The following GSN variants were observed in gnomAD, a reference collection of about 807,000 sequenced individuals.
GSN encodes the protein gelsolin.
A neutral mutation model predicts 85.7 loss-of-function variants in GSN; 56 were observed. That is an observed-to-expected ratio of 0.65 (90% confidence interval 0.53 to 0.82). GSN has a LOEUF of 0.82. GSN is among the 40% of genes least tolerant of loss of function. GSN has a pLI of 0.00. For missense variants in GSN, 857 were observed against 979.8 expected, an observed-to-expected ratio of 0.87 and a Z score of 1.67; for synonymous variants, 373 against 399.1, an observed-to-expected ratio of 0.93 and a Z score of 0.78.
chr9:121,286,134 C>T (rs1003652873), intron 2 of GSN: 3 of 1,535,594 alleles, frequency 2.0e-6, no homozygotes, highest in Non-Finnish European at 2.6e-6. Flanking sequence ...TAGCTCCCCC[C>T]AGCCTCGCGA....
At chr9:121,220,503 A>G (rs1564338118) in intron 4 of GSN, among the ~76,000 whole-genome samples, 1 of 152,214 alleles carries the variant, frequency 6.6e-6, no homozygotes, top group Non-Finnish European at 1.5e-5. Context: ...AGAGGCTCAG[A>G]CAGGTTGAGG....
rs1167536004 is a variant in GSN at position 121,314,012 on chromosome 9, A to G, written c.742A>G (p.Lys248Glu). 1 of 1,613,404 alleles carries G rather than the reference A, an allele frequency of 6.2e-7. No homozygotes were observed. Among genetic ancestry groups the G allele is most frequent in the African/African-American group, 1.3e-5 (1 of 75,048 alleles). Residue 248 changes from lysine to glutamate, a missense_variant, in exon 7 of 18, where the codon AAG (lysine) becomes GAG (glutamate). Lys to Glu is a moderately conservative substitution (Grantham distance 56). Transcript: ENST00000432226. ...KEDAANRKLA[K>E]LYKVSNGAGT... ...GGATGCGGCCAACCGCAAGCTGGCC[A>G]AGCTCTACAAGGTGAGCACCAGATG...
At chr9:121,224,655 A>G (rs1484774448) in intron 4 of GSN, among the ~76,000 whole-genome samples, 2 of 151,470 alleles carry the variant, frequency 1.3e-5, no homozygotes, top group Non-Finnish European at 2.9e-5. Context: ...TAGTCTGAAT[A>G]CCAGTGGGAA....
rs189726980 is a variant in GSN at position 121,323,991 on chromosome 9, A to G, written c.1326-563A>G. On this transcript the variant is annotated intron_variant, in intron 11 of 17. Transcript: ENST00000432226. The stretch of plus-strand genomic sequence containing the variant: ...AGATTTTGTTTGCTTATACGACGAC[A>G]TATGTTGGTTATGGAAAACTTAGAC... Among the ~76,000 whole-genome samples the G allele has an allele frequency of 3.3e-4, 51 of 152,326 alleles. No homozygotes were observed. In the East Asian group the frequency reaches 9.1e-3, roughly 27 times the overall value.
chr9:121,260,279 G>A (rs1210513000), intron 6 of GSN, among the ~76,000 whole-genome samples: 1 of 152,228 alleles, frequency 6.6e-6, no homozygotes, highest in African/African-American at 2.4e-5. Context: ...CTCAGAATTT[G>A]GGGAGCATTC....
intron 5 of GSN, among the ~76,000 whole-genome samples, chr9:121,241,235 C>A (rs1305347133): frequency 6.6e-6 from 1 of 152,146 alleles, no homozygotes; most frequent in Non-Finnish European, 1.5e-5. Flanking sequence ...GCGTAAAAGA[C>A]AAAGGGTAGA....
chr9:121,329,311 A>G lies in GSN; in HGVS notation c.1961A>G (p.Asp654Gly). 1.3e-6 allele frequency: 2 copies of G among 1,587,138 alleles called. No individual in the cohort carries two copies. The highest frequency in any genetic ancestry group is 1.1e-5 in the South Asian group (1 of 90,580). Reference protein sequence around the residue: ...TDDVMLLDTWDQVFVWVGKDS... With the variant: ...TDDVMLLDTWGQVFVWVGKDS... ...GACGTCATGCTTCTGGACACCTGGGACCAGGTGGGTGAAGGACAGGTGAAG... is the reference window on the plus strand; with the variant it reads ...GACGTCATGCTTCTGGACACCTGGGGCCAGGTGGGTGAAGGACAGGTGAAG... Residue 654 changes from aspartate (D) to glycine (G), a missense_variant, in exon 16 of 18, where the codon GAC (aspartate) becomes GGC (glycine). By Grantham distance (94) the Asp-to-Gly change is moderately conservative (BLOSUM62 -1). Coordinates refer to ENST00000432226, the MANE Select transcript of GSN (RefSeq NM_198252.3). This position sits in a 1 kb window ranked among gnomAD's most constrained non-coding sequence, Gnocchi z 4.6.
At chr9:121,317,668 C>G (rs1589122405) in intron 8 of GSN, 1 of 275,970 alleles carries the variant, frequency 3.6e-6, no homozygotes, top group East Asian at 9.5e-5. Flanking sequence ...AGTTCATAAA[C>G]TCTTTCGGTA....
At chr9:121,324,678 C>G in intron 12 of GSN, 34 bp downstream of exon 12, 2 of 1,055,760 alleles carry the variant, frequency 1.9e-6, no homozygotes, top group Non-Finnish European at 2.9e-6. Flanking sequence ...TGGGCTGCAG[C>G]CTGAGCCTTG....
intron 6 of GSN, among the ~76,000 whole-genome samples, chr9:121,255,974 T>G (rs1692738372): frequency 6.6e-6 from 1 of 152,076 alleles, no homozygotes; most frequent in Admixed American, 6.6e-5. Flanking sequence ...TCCAGAAAAA[T>G]CCTTCTGGGG....
chr9:121,223,289 C>G (rs1159460403), intron 4 of GSN, among the ~76,000 whole-genome samples: 1 of 152,112 alleles, frequency 6.6e-6, no homozygotes, highest in East Asian at 1.9e-4. Context: ...ACCTGATGAT[C>G]ACCTAACATT....
Position 121,332,561 on chromosome 9 carries a change from T to C in GSN, c.2154T>C (p.Ser718=). ...WFLGWDDDYW[S]VDPLDRAMAE... Reference sequence around the variant, plus strand: ...TTGGCTGGGATGATGATTACTGGTCTGTGGACCCCTTGGACAGGGCCATGG... The same window carrying C: ...TTGGCTGGGATGATGATTACTGGTCCGTGGACCCCTTGGACAGGGCCATGG... Residue 718 remains serine, a synonymous_variant, in exon 18 of 18, where the codon TCT becomes TCC. Coordinates refer to ENST00000432226, the MANE Select transcript of GSN (RefSeq NM_198252.3). The surrounding 1 kb of genome is among the most constrained non-coding windows in gnomAD (Gnocchi z 4.8). 1 of 1,614,132 alleles carries C rather than the reference T, an allele frequency of 6.2e-7. No individual in the cohort carries two copies. The highest frequency in any genetic ancestry group is 8.5e-7 in the Non-Finnish European group (1 of 1,180,012).
At position 121,312,405 on chromosome 9, in the gene GSN, A is replaced by G. The variant is rs2133479481; in HGVS notation, c.580A>G (p.Lys194Glu). ...YERLKATQVS[K>E]GIRDNERSGR... The stretch of plus-strand genomic sequence containing the variant: ...AAGACTGAAGGCCACACAGGTGTCC[A>G]AGGGCATCCGGGACAACGAGCGGAG... The change falls in exon 6 of 18, where the codon AAG becomes GAG. Residue 194 changes from lysine (K) to glutamate (E), a missense_variant. Coordinates refer to ENST00000432226, the MANE Select transcript of GSN (RefSeq NM_198252.3). The G allele has an allele frequency of 2.5e-6, 4 of 1,614,034 alleles. No homozygotes were observed. Among genetic ancestry groups the G allele is most frequent in the Non-Finnish European group, 3.4e-6 (4 of 1,179,860 alleles).
Position 121,299,582 on chromosome 9 carries a change from C to T in GSN, c.-9-2381C>T, listed in dbSNP as rs528936315. On this transcript the variant is annotated intron_variant, in intron 2 of 17. Transcript: ENST00000432226. This position sits in a 1 kb window ranked among gnomAD's most constrained non-coding sequence, Gnocchi z 4.2. ...CAGGAGGCTCAGCTGGGCTCGCCGCCGCTCGTGCCTGCGCCCATTTAGTGT... is the reference window on the plus strand; with the variant it reads ...CAGGAGGCTCAGCTGGGCTCGCCGCTGCTCGTGCCTGCGCCCATTTAGTGT... 2 of 613,276 alleles carry T rather than the reference C, an allele frequency of 3.3e-6. No individual in the cohort carries two copies. The highest frequency in any genetic ancestry group is 1.4e-4 in the East Asian group (1 of 7,152). 38.0% of individuals were successfully genotyped at this position (613,276 alleles called of 1,614,324 possible).
intron 16 of GSN, 55 bp from the exon 17 acceptor site, chr9:121,331,333 C>A: frequency 1.8e-6 from 2 of 1,135,130 alleles, no homozygotes; most frequent in African/African-American, 1.5e-5. Flanking sequence ...CTTCCTCCAG[C>A]CGTGAATTTG....
chr9:121,291,726 G>A (rs1438937594), intron 2 of GSN, among the ~76,000 whole-genome samples: 2 of 151,914 alleles, frequency 1.3e-5, no homozygotes, highest in African/African-American at 4.8e-5. Flanking sequence ...GGCCCCCATT[G>A]GACTTTTTCT....
intron 5 of GSN, among the ~76,000 whole-genome samples, chr9:121,240,908 CAT>C (rs1467849656): frequency 3.3e-5 from 5 of 152,132 alleles, no homozygotes; most frequent in Non-Finnish European, 5.9e-5. Flanking sequence ...AATGCAGTGT[CAT>C]GTGTTAAAAA....
chr9:121,312,080 C>T (rs1337513011), intron 5 of GSN: 8 of 423,154 alleles, frequency 1.9e-5, no homozygotes, highest in Non-Finnish European at 3.4e-5. Flanking sequence ...AGCAGGCAAA[C>T]ATTTTTGCAC....
intron 5 of GSN, among the ~76,000 whole-genome samples, chr9:121,231,746 G>A (rs184817447): frequency 9.1e-4 from 138 of 152,180 alleles, no homozygotes; most frequent in African/African-American, 3.2e-3. Flanking sequence ...ATGAAAAAGA[G>A]AGAGAGAAGG....
Sources: gnomAD v4.1 joint callset for allele counts (sites outside exome capture counted in the v4.1 genomes callset) on GRCh38, gnomAD v4.1.1 for gene constraint, Gnocchi (gnomAD v3.1) non-coding constraint, MANE v1.5 for transcripts, NCBI Gene and HGNC (gene_info 2026-07-23, HGNC 2026-07-21) for gene names.